The following SSH2 variants were observed in gnomAD, a reference collection of about 807,000 sequenced individuals.
SSH2 encodes the protein protein phosphatase Slingshot homolog 2.
In SSH2, 37 loss-of-function variants were observed where a neutral mutation model predicts 135.2. The observed-to-expected ratio is 0.27, with a 90% CI of 0.21 to 0.36. SSH2 has a LOEUF of 0.36. SSH2 is among the 10% of genes least tolerant of loss of function. The pLI, the probability that SSH2 is intolerant of heterozygous loss-of-function variation, is 1.00. For synonymous variants in SSH2, 628 were observed against 646.2 expected (o/e 0.97, Z 0.43); for missense variants, 1,408 against 1,765.3 (o/e 0.80, Z 3.63).
chr17:29,737,078 G>T (rs1386373311), intron 3 of SSH2, among the ~76,000 whole-genome samples: 2 of 119,108 alleles, frequency 1.7e-5, no homozygotes, highest in East Asian at 5.1e-4. Context: ...CAGCCTGGGC[G>T]ACAGAGCAAG....
chr17:29,710,148 A>G lies in SSH2; in HGVS notation c.189-7086T>C, dbSNP rs552759158. Among the ~76,000 whole-genome samples, 29 of 152,342 alleles carry G rather than the reference A, an allele frequency of 1.9e-4. No homozygotes were observed. In the South Asian group the frequency reaches 5.6e-3, roughly 29 times the overall value. On this transcript the variant is annotated intron_variant, in intron 3 of 15. Transcript: ENST00000540801. Reference sequence around the variant, plus strand: ...GTCAAGGAAGCAAAACAAAGCAACAACATACCTGGCCTAACTGCTGAACGT... The same window carrying G: ...GTCAAGGAAGCAAAACAAAGCAACAGCATACCTGGCCTAACTGCTGAACGT...
At chr17:29,807,832 C>T (rs1399973892) in intron 2 of SSH2, among the ~76,000 whole-genome samples, 83 of 94,328 alleles carry the variant, frequency 8.8e-4, no homozygotes, top group South Asian at 1.2e-3. Context: ...GTTTTGATGG[C>T]TTTTTTTTTT....
intron 3 of SSH2, among the ~76,000 whole-genome samples, chr17:29,755,371 A>G (rs575270148): frequency 1.3e-5 from 2 of 152,270 alleles, no homozygotes; most frequent in Non-Finnish European, 2.9e-5. Flanking sequence ...ATCATTTATT[A>G]ATGTTCTTCA....
chr17:29,773,234 TA>T (rs2151275550), intron 3 of SSH2, among the ~76,000 whole-genome samples: 1 of 152,142 alleles, frequency 6.6e-6, no homozygotes, highest in African/African-American at 2.4e-5. Context: ...CCTACCTAAC[TA>T]AACAGGAAGA....
chr17:29,641,803 G>A (rs956831382), intron 14 of SSH2: 1 of 152,034 alleles, frequency 6.6e-6, no homozygotes, highest in African/African-American at 2.4e-5. Context: ...CTCTGAGAAA[G>A]TTATATAAAG....
At chr17:29,848,970 G>C in intron 1 of SSH2, 41 bp from the exon 2 acceptor site, 1 of 1,375,902 alleles carries the variant, frequency 7.3e-7, no homozygotes, top group Non-Finnish European at 1.0e-6. Flanking sequence ...CCAAACGAAT[G>C]GGCCCATAAG....
At chr17:29,845,611 T>A (rs909577207) in intron 2 of SSH2, among the ~76,000 whole-genome samples, 20 of 152,296 alleles carry the variant, frequency 1.3e-4, no homozygotes, top group African/African-American at 4.6e-4. Context: ...TTCTCTTTAT[T>A]TTTTTTGGAG....
At chr17:29,873,613 T>C (rs1465302191) in intron 1 of SSH2, among the ~76,000 whole-genome samples, 3 of 150,194 alleles carry the variant, frequency 2.0e-5, no homozygotes, top group African/African-American at 4.9e-5. Flanking sequence ...AGACAAGAAA[T>C]ATAAAAAACA....
At chr17:29,716,521 A>G in intron 3 of SSH2, 1 of 719,354 alleles carries the variant, frequency 1.4e-6, no homozygotes, top group Non-Finnish European at 2.6e-6. Flanking sequence ...TGCCATGGTA[A>G]CACTTGTGGG....
intron 1 of SSH2, among the ~76,000 whole-genome samples, chr17:29,910,932 A>T (rs1326067591): frequency 6.6e-6 from 1 of 152,174 alleles, no homozygotes; most frequent in Non-Finnish European, 1.5e-5. Flanking sequence ...ATAATTGATA[A>T]TTCTATATCC....
At chr17:29,834,335 AT>A (rs1450770235) in intron 2 of SSH2, among the ~76,000 whole-genome samples, 2 of 152,222 alleles carry the variant, frequency 1.3e-5, no homozygotes, top group African/African-American at 4.8e-5. Flanking sequence ...CAAAGAAATG[AT>A]GAATGCTTGA....
chr17:29,796,001 C>T (rs1430858876), intron 2 of SSH2, among the ~76,000 whole-genome samples: 1 of 152,200 alleles, frequency 6.6e-6, no homozygotes, highest in Non-Finnish European at 1.5e-5. Flanking sequence ...CATCGGCCTC[C>T]CAGAGTGCTG....
intron 2 of SSH2, among the ~76,000 whole-genome samples, chr17:29,808,840 G>C (rs533354661): frequency 6.6e-6 from 1 of 152,052 alleles, no homozygotes; most frequent in Non-Finnish European, 1.5e-5. Context: ...TAGAACACAA[G>C]GTGAATGATA....
intron 8 of SSH2, among the ~76,000 whole-genome samples, chr17:29,674,443 A>G (rs2037621619): frequency 6.6e-6 from 1 of 152,206 alleles, no homozygotes; most frequent in African/African-American, 2.4e-5. Context: ...AGCATATGCC[A>G]CAGAGTCTGG....
Position 29,636,272 on chromosome 17 carries a change from G to C in SSH2, c.1958C>G (p.Ser653Cys). Residue 653 changes from serine to cysteine, a missense_variant, in exon 15 of 16, where the codon TCC becomes TGC. Ser to Cys is a moderately radical substitution (Grantham distance 112, BLOSUM62 -1). Around this residue, in one of 3 missense-constraint regions of SSH2, gnomAD observed 1,080 missense variants for 1,144.5 expected, o/e 0.94. Transcript: ENST00000540801. ...GGGGCTTGGTGACTCAGGATCAGGG[G>C]ACATGGGGGGGTCTTTCAGTGGAGA... ...LTSPLKDPPM[S>C]PDPESPSPQP... is the part of the protein sequence containing the mutation. 1 of 1,614,154 alleles carries C rather than the reference G, an allele frequency of 6.2e-7. No individual in the cohort carries two copies. The highest frequency in any genetic ancestry group is 8.5e-7 in the Non-Finnish European group (1 of 1,180,040).
intron 2 of SSH2, among the ~76,000 whole-genome samples, chr17:29,837,958 G>A (rs1405074406): frequency 6.6e-6 from 1 of 152,202 alleles, no homozygotes; most frequent in East Asian, 1.9e-4. Flanking sequence ...GGGCACCCCT[G>A]TGCTCTTGGG....
chr17:29,731,784 G>A (rs946793246), intron 3 of SSH2, among the ~76,000 whole-genome samples: 1 of 152,030 alleles, frequency 6.6e-6, no homozygotes, highest in Non-Finnish European at 1.5e-5. Flanking sequence ...CAATGGGCTG[G>A]GCTTCTCTGC....
intron 12 of SSH2, among the ~76,000 whole-genome samples, chr17:29,653,163 A>G (rs188978132): frequency 2.0e-5 from 3 of 152,114 alleles, no homozygotes; most frequent in Admixed American, 2.0e-4. Context: ...ACAGAGTAAC[A>G]TTTTACTTTG....
chr17:29,635,834 A>T, intron 15 of SSH2, 134 bp downstream of exon 15: 1 of 774,366 alleles, frequency 1.3e-6, no homozygotes, highest in Non-Finnish European at 2.1e-6. Context: ...AATTATTTAA[A>T]AAATATTTAA....
Sources: allele counts gnomAD v4.1 joint callset (sites outside exome capture counted in the v4.1 genomes callset), GRCh38; gene constraint gnomAD v4.1.1; regional missense constraint gnomAD v4.1.1; transcripts MANE v1.5; gene names NCBI Gene and HGNC (gene_info 2026-07-23, HGNC 2026-07-21).